The following GRIN2D variants were observed in gnomAD, a reference collection of about 807,000 sequenced individuals.
The protein encoded by GRIN2D is glutamate receptor ionotropic, NMDA 2D.
Under a neutral mutation model 103.2 loss-of-function variants are expected in GRIN2D, and 37 were observed. That is an observed-to-expected ratio of 0.36 (90% CI 0.28 to 0.47). GRIN2D has a LOEUF of 0.47. Among genes scored for constraint, GRIN2D ranks in the 20% least tolerant of loss-of-function variants. The probability of loss-of-function intolerance (pLI) is 1.00; values close to 1 mark genes in which losing one functional copy is unlikely to be tolerated. For synonymous variants in GRIN2D, 845 were observed against 885.6 expected (o/e 0.95, Z 0.81); for missense variants, 1,557 against 1,910.6 (o/e 0.81, Z 3.45).
intron 8 of GRIN2D, 112 bp from the exon 9 acceptor site, chr19:48,419,122 T>C: frequency 1.1e-6 from 1 of 891,240 alleles, no homozygotes; most frequent in Non-Finnish European, 1.6e-6. Context: ...CAAGTGATCC[T>C]CCTGCCTCAG....
intron 11 of GRIN2D, among the ~76,000 whole-genome samples, chr19:48,431,973 C>T (rs978512584): frequency 1.1e-4 from 16 of 151,414 alleles, no homozygotes; most frequent in South Asian, 4.2e-4. Flanking sequence ...AGTGCAGTGG[C>T]GTGATCTTGG....
Position 48,398,804 on chromosome 19 carries a change from T to A in GRIN2D, c.412T>A (p.Ser138Thr), listed in dbSNP as rs943958169. The change falls in exon 3 of 14, where the codon TCG (serine) becomes ACG (threonine). Residue 138 changes from serine to threonine, a missense_variant. Transcript: ENST00000263269. ...CCTCGACTTCCTGTCGGCGCAGACCTCGCTGCCCATCGTGGCCGTGCACGG... is the reference window on the plus strand; with the variant it reads ...CCTCGACTTCCTGTCGGCGCAGACCACGCTGCCCATCGTGGCCGTGCACGG... ...PILDFLSAQTSLPIVAVHGGA... is the reference protein window; with the variant it reads ...PILDFLSAQTTLPIVAVHGGA... 6.9e-7 allele frequency: 1 copy of A among 1,451,722 alleles called. No individual in the cohort carries two copies. Among genetic ancestry groups the A allele is most frequent in the Non-Finnish European group, 9.0e-7 (1 of 1,106,748 alleles). 89.9% of individuals were successfully genotyped at this position (1,451,722 alleles called of 1,614,324 possible). A position where few individuals can be genotyped will look rare whatever the true frequency, so the allele number is the denominator to read the frequency against.
chr19:48,427,388 A>AT (rs34643324), intron 11 of GRIN2D, among the ~76,000 whole-genome samples: 114,250 of 151,496 alleles, frequency 0.75, 46,170 homozygotes, highest in Non-Finnish European at 0.9. Context: ...TTACACTCTC[A>AT]TCAGCAATGC....
chr19:48,443,973 C>G lies in GRIN2D; in HGVS notation c.*36C>G. 1 of 1,316,666 alleles carries G rather than the reference C, an allele frequency of 7.6e-7. No individual in the cohort carries two copies. Among genetic ancestry groups the G allele is most frequent in the Non-Finnish European group, 9.8e-7 (1 of 1,021,904 alleles). 81.6% of individuals were successfully genotyped at this position (1,316,666 alleles called of 1,614,324 possible). On this transcript the variant is annotated 3_prime_UTR_variant, in exon 14 of 14. Transcript: ENST00000263269. The surrounding 1 kb of genome is among the most constrained non-coding windows in gnomAD (Gnocchi z 8.9). ...GGGGCCCCACCGCCCCCTTGGTCAG[C>G]GCAGGCCACGGCCCGAGGGGGCGCC... is the stretch of plus-strand genomic sequence containing the variant.
intron 8 of GRIN2D, among the ~76,000 whole-genome samples, chr19:48,417,241 A>G (rs1369366314): frequency 2.0e-5 from 3 of 152,120 alleles, no homozygotes; most frequent in Non-Finnish European, 4.4e-5. Flanking sequence ...CCCTATCTCT[A>G]AAAAAGAACA....
At chr19:48,418,405 G>A (rs1036617146) in intron 8 of GRIN2D, among the ~76,000 whole-genome samples, 28 of 152,136 alleles carry the variant, frequency 1.8e-4, no homozygotes, top group African/African-American at 6.8e-4. Context: ...TGACAAGGCT[G>A]AGTGGCAGGG....
chr19:48,410,767 C>T (rs1970848285), intron 4 of GRIN2D, among the ~76,000 whole-genome samples: 1 of 151,760 alleles, frequency 6.6e-6, no homozygotes, highest in Non-Finnish European at 1.5e-5. Context: ...GGGATGAGGG[C>T]CTAGGAGGGC....
In GRIN2D at chr19:48,398,474, T is replaced by G; in HGVS notation, c.82T>G (p.Phe28Val). Reference sequence around the variant, plus strand: ...GCTGGCGCTGGCCTGCGCCAGCCCGTTCCCGGAGGAGGCGCCGGGGCCGGG... The same window carrying G: ...GCTGGCGCTGGCCTGCGCCAGCCCGGTCCCGGAGGAGGCGCCGGGGCCGGG... ...LLLALACASP[F>V]PEEAPGPGGA... The change falls in exon 3 of 14, where the codon TTC (phenylalanine) becomes GTC (valine). Residue 28 changes from phenylalanine (F) to valine (V), a missense_variant. Physicochemically the swap from Phe to Val is conservative, Grantham distance 50. Coordinates refer to ENST00000263269, the MANE Select transcript of GRIN2D (RefSeq NM_000836.4). The G allele has an allele frequency of 9.6e-7, 1 of 1,046,556 alleles. No homozygotes were observed. The highest frequency in any genetic ancestry group is 1.1e-6 in the Non-Finnish European group (1 of 870,808). 64.8% of individuals were successfully genotyped at this position (1,046,556 alleles called of 1,614,324 possible).
chr19:48,404,149 A>G (rs1012436169), intron 3 of GRIN2D, among the ~76,000 whole-genome samples: 2 of 152,014 alleles, frequency 1.3e-5, no homozygotes, highest in African/African-American at 4.8e-5. Context: ...CTGAGGCAGG[A>G]GAACTGCTTG....
Position 48,435,236 on chromosome 19 carries a change from G to C in GRIN2D, c.2253-6533G>C, listed in dbSNP as rs530332790. On this transcript the variant is annotated intron_variant, in intron 11 of 13. Transcript: ENST00000263269. ...GACCTTCCTCCTTGGCTTGTAAAAA[G>C]CTGCCGTCTTCCTCTGTCTCTTCAC... Among the ~76,000 whole-genome samples, 10 of 151,304 alleles carry C rather than the reference G, an allele frequency of 6.6e-5. No homozygotes were observed. The South Asian group carries it at 2.1e-3, about 32-fold the overall frequency.
Position 48,414,560 on chromosome 19 carries a change from G to T in GRIN2D, c.1388G>T (p.Arg463Leu). Residue 463 changes from arginine to leucine, a missense_variant, in exon 6 of 14, where the codon CGG (arginine) becomes CTG (leucine). By Grantham distance (102) the Arg-to-Leu change is moderately radical (BLOSUM62 -2). This residue lies in a region of GRIN2D where 197 missense variants were observed against 334.1 expected (regional missense o/e 0.59). Coordinates refer to ENST00000263269, the MANE Select transcript of GRIN2D (RefSeq NM_000836.4). This position sits in a 1 kb window ranked among gnomAD's most constrained non-coding sequence, Gnocchi z 4.6. ...GTCIRDSVPC[R>L]SQLNRTHSPP... ...TGCATCCGAGACTCCGTCCCCTGCCGGAGCCAGCTCAACCGAACCCACAGG... is the reference window on the plus strand; with the variant it reads ...TGCATCCGAGACTCCGTCCCCTGCCTGAGCCAGCTCAACCGAACCCACAGG... 2 of 1,552,514 alleles carry T rather than the reference G, an allele frequency of 1.3e-6. No homozygotes were observed. The highest frequency in any genetic ancestry group is 1.7e-6 in the Non-Finnish European group (2 of 1,148,476).
At position 48,441,759 on chromosome 19, in the gene GRIN2D, C is replaced by A; in HGVS notation, c.2253-10C>A. 6.2e-7 allele frequency: 1 copy of A among 1,604,518 alleles called. No individual in the cohort carries two copies. Among genetic ancestry groups the A allele is most frequent in the Non-Finnish European group, 8.5e-7 (1 of 1,173,608 alleles). On this transcript the variant is annotated splice_polypyrimidine_tract_variant and intron_variant, in intron 11 of 13. Transcript: ENST00000263269. ...GGACTGACCCTACCCTCCATTCCCC[C>A]TCCCCCCAGGAAGCTGGACGCCTTC...
intron 3 of GRIN2D, among the ~76,000 whole-genome samples, chr19:48,399,808 A>C (rs1250156003): frequency 7.1e-6 from 1 of 140,834 alleles, no homozygotes; most frequent in Non-Finnish European, 1.5e-5. Context: ...CCAGGAAGCA[A>C]GGAATTGAGA....
chr19:48,433,981 C>T (rs2147468316), intron 11 of GRIN2D, among the ~76,000 whole-genome samples: 1 of 151,002 alleles, frequency 6.6e-6, no homozygotes, highest in East Asian at 1.9e-4. Flanking sequence ...TGGAGTCTCG[C>T]TCTGTTGCCC....
In GRIN2D at chr19:48,419,383, C is replaced by T. The variant is rs184606811; in HGVS notation, c.1861+24C>T. The T allele has an allele frequency of 2.3e-4, 362 of 1,586,626 alleles. No individual in the cohort carries two copies. The African/African-American group carries it at 3.8e-3, about 17-fold the overall frequency. ...GCGTGAGTCCCCCTTCCTCCATCCCCCGCCTCGGAGATCCCGAACCACAGA... is the reference window on the plus strand; with the variant it reads ...GCGTGAGTCCCCCTTCCTCCATCCCTCGCCTCGGAGATCCCGAACCACAGA... On this transcript the variant is annotated intron_variant, in intron 9 of 13. Coordinates refer to ENST00000263269, the MANE Select transcript of GRIN2D (RefSeq NM_000836.4).
At chr19:48,399,813 T>C (rs1970686938) in intron 3 of GRIN2D, among the ~76,000 whole-genome samples, 1 of 149,062 alleles carries the variant, frequency 6.7e-6, no homozygotes, top group Admixed American at 6.7e-5. Flanking sequence ...AAGCAAGGAA[T>C]TGAGATTTGG....
At chr19:48,426,220 C>CTTTTTTTTTTTTTTTT (rs1253186603) in intron 11 of GRIN2D, among the ~76,000 whole-genome samples, 10 of 127,104 alleles carry the variant, frequency 7.9e-5, no homozygotes, top group African/African-American at 3.1e-4. Flanking sequence ...TTCTTTCTTT[C>CTTTTTTTTTTTTTTTT]TTTCTTTTTT....
rs34530972 is a variant in GRIN2D, at chr19:48,404,240, CAA to C, written c.466-477_466-476del. On this transcript the variant is annotated intron_variant, in intron 3 of 13. Coordinates refer to ENST00000263269, the MANE Select transcript of GRIN2D (RefSeq NM_000836.4). The stretch of plus-strand genomic sequence containing the variant: ...GGGCAACAAGAGTGAAATTCCATCT[CAA>C]AAAAAAAAAAAAAAAATCCAAACAG... 9.1e-3 allele frequency among the ~76,000 whole-genome samples: 1,057 copies of C among 116,682 alleles called. 7 individuals are homozygous for C. Among genetic ancestry groups the C allele is most frequent in the Non-Finnish European group, 0.011 (615 of 54,318 alleles). The allele number at this position is 116,682 out of a possible 152,430, so 76.5% of individuals were successfully genotyped here.
In GRIN2D at chr19:48,426,204, TTTTC is replaced by T. The variant is rs533790740; in HGVS notation, c.2252+4279_2252+4282del. Among the ~76,000 whole-genome samples, 758 of 147,010 alleles carry T rather than the reference TTTTC, an allele frequency of 5.2e-3. 17 individuals are homozygous for T. The highest frequency in any genetic ancestry group is 0.021 in the East Asian group (109 of 5,152). On this transcript the variant is annotated intron_variant, in intron 11 of 13. Coordinates refer to ENST00000263269, the MANE Select transcript of GRIN2D (RefSeq NM_000836.4). ...GCTTTTTTTCTTTTCTCTTCTTTCT[TTTTC>T]TTTCTTTCTTTCTTTCTTTTTTTTT...
Sources: allele counts gnomAD v4.1 joint callset (sites outside exome capture counted in the v4.1 genomes callset), GRCh38; gene constraint gnomAD v4.1.1; regional missense constraint gnomAD v4.1.1; non-coding constraint Gnocchi (gnomAD v3.1); transcripts MANE v1.5; gene names NCBI Gene and HGNC (gene_info 2026-07-23, HGNC 2026-07-21).